DGKK: variants seen among roughly 807,000 people sequenced by gnomAD.
DGKK encodes 142 kDa diacylglycerol kinase.
DGKK carries 35 observed loss-of-function variants against 92.2 expected under a neutral mutation model. The observed-to-expected ratio is 0.38, with a 90% CI of 0.29 to 0.50. The LOEUF is 0.50. Among genes scored for constraint, DGKK ranks in the 20% least tolerant of loss-of-function variants. The pLI is 0.92. For synonymous variants in DGKK, 368 were observed against 360.6 expected, an observed-to-expected ratio of 1.02 and a Z score of -0.23; for missense variants, 910 against 992.2, an observed-to-expected ratio of 0.92 and a Z score of 1.11.
chrX:50,394,404 C>T (rs1201191570), intron 8 of DGKK, among the ~76,000 whole-genome samples: 1 of 111,709 alleles, frequency 9.0e-6, no homozygotes, highest in Admixed American at 9.5e-5. Flanking sequence ...AGCTTGAAGG[C>T]ATCCTAAGCC....
Position 50,386,733 on chromosome X carries a change from A to G in DGKK, c.2119-147T>C, listed in dbSNP as rs1042696601. Reference sequence around the variant, plus strand: ...AGCATAGAAAACCACATGTGAGAAGATGAAGTACTTAGCAAAAGAAGTAGG... The same window carrying G: ...AGCATAGAAAACCACATGTGAGAAGGTGAAGTACTTAGCAAAAGAAGTAGG... On this transcript the variant is annotated intron_variant, in intron 14 of 27. Coordinates refer to ENST00000611977, the MANE Select transcript of DGKK (RefSeq NM_001013742.4). The G allele has an allele frequency of 2.5e-5, 12 of 475,712 alleles. No homozygotes were observed. In the South Asian group the frequency reaches 4.0e-4, roughly 16 times the overall value. 39.2% of individuals were successfully genotyped at this position (475,712 alleles called of 1,213,427 possible).
At chrX:50,386,331 C>G in intron 15 of DGKK, 27 bp downstream of exon 15, 1 of 1,137,983 alleles carries the variant, frequency 8.8e-7, no homozygotes, top group Non-Finnish European at 1.2e-6. Flanking sequence ...TCCCCTACCT[C>G]AGTCACTACA....
chrX:50,448,237 C>T (rs1934178), intron 1 of DGKK, among the ~76,000 whole-genome samples: 34,769 of 108,498 alleles, frequency 0.32, 4,302 homozygotes, highest in Admixed American at 0.42. Context: ...CAGGCTCTGG[C>T]CCCAATACCA....
At chrX:50,437,591 T>C (rs892700847) in intron 1 of DGKK, among the ~76,000 whole-genome samples, 1 of 110,670 alleles carries the variant, frequency 9.0e-6, no homozygotes, top group Non-Finnish European at 1.9e-5. Context: ...TGATAGCATA[T>C]CCAGAAGGGC....
chrX:50,433,547 A>T (rs886169151), intron 1 of DGKK, among the ~76,000 whole-genome samples: 3 of 111,406 alleles, frequency 2.7e-5, no homozygotes, highest in Admixed American at 9.5e-5. Context: ...CCAGCAGGAA[A>T]ATGGCTTGAC....
chrX:50,375,104 G>T, intron 24 of DGKK, 47 bp from the exon 25 acceptor site: 1 of 1,041,001 alleles, frequency 9.6e-7, no homozygotes. Flanking sequence ...AAAGACAGGG[G>T]AGTTGTTGGT....
intron 16 of DGKK, 27 bp downstream of exon 16, chrX:50,384,693 A>C: frequency 8.6e-7 from 1 of 1,167,734 alleles, no homozygotes; most frequent in Middle Eastern, 2.4e-4. Flanking sequence ...AGGCTAGAAT[A>C]AGGGAAGAAG....
chrX:50,422,569 T>C, intron 2 of DGKK, 43 bp from the exon 3 acceptor site: 1 of 1,004,644 alleles, frequency 1.0e-6, no homozygotes, highest in Non-Finnish European at 1.4e-6. Flanking sequence ...ACCGTCTGGT[T>C]AATGATGCAA....
At chrX:50,422,594 G>A in intron 2 of DGKK, 68 bp from the exon 3 acceptor site, 6 of 361,866 alleles carry the variant, frequency 1.7e-5, no homozygotes, top group Admixed American at 4.9e-5. Context: ...ACATTAAAAG[G>A]TAAACACACA....
In DGKK at chrX:50,427,456, A is replaced by G. The variant is rs1421768788; in HGVS notation, c.646-3098T>C. ...GCTACATGTCATTATACATTTGTCA[A>G]AACTCATAGAATGTACAACACCAAG... On this transcript the variant is annotated intron_variant, in intron 1 of 27. Transcript: ENST00000611977. 2.7e-5 allele frequency among the ~76,000 whole-genome samples: 3 copies of G among 110,147 alleles called. No homozygotes were observed. The East Asian group carries it at 8.5e-4, about 31-fold the overall frequency.
intron 1 of DGKK, among the ~76,000 whole-genome samples, chrX:50,468,991 T>C (rs1400940337): frequency 1.8e-5 from 2 of 108,798 alleles, no homozygotes; most frequent in Admixed American, 2.0e-4. Context: ...AAAGGAAGAG[T>C]AGGGAGAGTG....
chrX:50,425,542 TACAC>T (rs782565110), intron 1 of DGKK, among the ~76,000 whole-genome samples: 4 of 104,282 alleles, frequency 3.8e-5, no homozygotes, highest in South Asian at 4.1e-4. Flanking sequence ...CACACACACA[TACAC>T]ACACACACAC....
chrX:50,390,470 G>A (rs1924659336), intron 11 of DGKK, 61 bp from the exon 12 acceptor site: 1 of 1,053,669 alleles, frequency 9.5e-7, no homozygotes, highest in Non-Finnish European at 1.3e-6. Context: ...AAAAATTAGT[G>A]CTTCAAAGGT....
At chrX:50,467,943 G>T (rs1557234120) in intron 1 of DGKK, among the ~76,000 whole-genome samples, 1 of 112,112 alleles carries the variant, frequency 8.9e-6, no homozygotes, top group East Asian at 2.8e-4. Context: ...CTTAACGGAT[G>T]GTCGTGGTTC....
intron 1 of DGKK, among the ~76,000 whole-genome samples, chrX:50,429,492 T>C (rs1314703976): frequency 9.0e-6 from 1 of 111,529 alleles, no homozygotes; most frequent in African/African-American, 3.3e-5. Flanking sequence ...GAGACCATCC[T>C]GGCTAACACG....
In DGKK at chrX:50,367,711, G is replaced by A. The variant is rs782572143; in HGVS notation, c.*1229C>T. 9.0e-6 allele frequency: 1 copy of A among 111,465 alleles called. No homozygotes were observed. Among genetic ancestry groups the A allele is most frequent in the South Asian group, 3.9e-4 (1 of 2,593 alleles). 9.2% of individuals were successfully genotyped at this position (111,465 alleles called of 1,213,427 possible). A position where few individuals can be genotyped will look rare whatever the true frequency, so the allele number is the denominator to read the frequency against. On this transcript the variant is annotated 3_prime_UTR_variant, in exon 28 of 28. Transcript: ENST00000611977. The stretch of plus-strand genomic sequence containing the variant: ...TTGCTCCATATAGTCTTTTTATTGG[G>A]GAAGGGCACAGTTGCTGATGAAGAG...
At chrX:50,403,024 T>C in intron 7 of DGKK, 37 bp downstream of exon 7, 2 of 1,199,894 alleles carry the variant, frequency 1.7e-6, no homozygotes, top group Non-Finnish European at 2.3e-6. Context: ...TCGCCAGGAG[T>C]TAAGTTCTCT....
In DGKK at chrX:50,470,578, G is replaced by A; in HGVS notation, c.101C>T (p.Pro34Leu). 1 of 1,200,526 alleles carries A rather than the reference G, an allele frequency of 8.3e-7. No homozygotes were observed. Among genetic ancestry groups the A allele is most frequent in the Non-Finnish European group, 1.1e-6 (1 of 892,283 alleles). Residue 34 changes from proline to leucine, a missense_variant, in exon 1 of 28, where the codon CCA becomes CTA. Transcript: ENST00000611977. ...AGCCGGCGGCGGAGCCGGTGGTGGT[G>A]GCGGCGGCGGCCAAGGCGGCGGAGG... ...PEPPPPWPPP[P>L]PPPAPPPAPP...
intron 10 of DGKK, 85 bp downstream of exon 10, chrX:50,392,256 C>G (rs782127954): frequency 1.7e-5 from 12 of 694,197 alleles, no homozygotes; most frequent in Non-Finnish European, 2.7e-5. Flanking sequence ...ACAGGGAGGG[C>G]GAAGACTTGG....
Sources: gnomAD v4.1 joint callset for allele counts (sites outside exome capture counted in the v4.1 genomes callset) on GRCh38, gnomAD v4.1.1 for gene constraint, MANE v1.5 for transcripts, NCBI Gene and HGNC (gene_info 2026-07-23, HGNC 2026-07-21) for gene names.